The following PRKCA variants were observed in gnomAD, a reference collection of about 807,000 sequenced individuals.
PRKCA encodes protein kinase C alpha type.
A neutral mutation model predicts 87.0 loss-of-function variants in PRKCA; 27 were observed. That is an observed-to-expected ratio of 0.31 (90% CI 0.23 to 0.43). The LOEUF (loss-of-function observed/expected upper bound fraction) is 0.43, where lower values mean the gene tolerates loss of function less well. Among genes scored for constraint, PRKCA ranks in the 20% least tolerant of loss-of-function variants. The probability of loss-of-function intolerance (pLI) is 1.00; values close to 1 mark genes in which losing one functional copy is unlikely to be tolerated. For missense variants in PRKCA, 518 were observed against 852.3 expected (o/e 0.61, Z 4.88); for synonymous variants, 329 against 311.1 (o/e 1.06, Z -0.61).
At chr17:66,469,543 T>C (rs1221971252) in intron 2 of PRKCA, among the ~76,000 whole-genome samples, 1 of 152,244 alleles carries the variant, frequency 6.6e-6, no homozygotes, top group African/African-American at 2.4e-5. Flanking sequence ...AATTCATTAC[T>C]ATTCTATGTA....
intron 2 of PRKCA, among the ~76,000 whole-genome samples, chr17:66,495,363 A>T (rs1916424379): frequency 1.3e-5 from 2 of 152,070 alleles, no homozygotes; most frequent in African/African-American, 4.8e-5. Context: ...TTGTGTCTGA[A>T]TGAGTTTATT....
intron 8 of PRKCA, among the ~76,000 whole-genome samples, chr17:66,690,621 T>G (rs1400826072): frequency 6.6e-6 from 1 of 152,024 alleles, no homozygotes; most frequent in Admixed American, 6.6e-5. Context: ...TCACTTGAGG[T>G]CAGGAGTTCA....
chr17:66,543,677 G>A (rs1227310225), intron 3 of PRKCA, among the ~76,000 whole-genome samples: 6 of 152,174 alleles, frequency 3.9e-5, no homozygotes. Flanking sequence ...GAAATACGAA[G>A]CAACATAGTG....
chr17:66,402,465 A>G (rs1364101303), intron 2 of PRKCA, among the ~76,000 whole-genome samples: 1 of 149,742 alleles, frequency 6.7e-6, no homozygotes, highest in Non-Finnish European at 1.5e-5. Flanking sequence ...AGCATGTTAC[A>G]GGGCAAGGGA....
intron 3 of PRKCA, among the ~76,000 whole-genome samples, chr17:66,626,888 A>G (rs1206423841): frequency 6.6e-6 from 1 of 152,246 alleles, no homozygotes; most frequent in East Asian, 1.9e-4. Flanking sequence ...TAGCAGTTAC[A>G]GTATTTCTCT....
At chr17:66,315,131 C>A (rs9893075) in intron 2 of PRKCA, among the ~76,000 whole-genome samples, 3 of 151,870 alleles carry the variant, frequency 2.0e-5, no homozygotes, top group African/African-American at 7.3e-5. Context: ...AACACTACAA[C>A]TGATAGCCAG....
intron 2 of PRKCA, among the ~76,000 whole-genome samples, chr17:66,482,051 A>G (rs1020350445): frequency 6.6e-6 from 1 of 150,600 alleles, no homozygotes; most frequent in Non-Finnish European, 1.5e-5. Context: ...CAGTGAGCCA[A>G]AATCGCGCCA....
chr17:66,685,480 CA>C (rs1175518848), intron 5 of PRKCA, among the ~76,000 whole-genome samples: 2 of 152,188 alleles, frequency 1.3e-5, no homozygotes, highest in African/African-American at 4.8e-5. Flanking sequence ...TGGGGTATGA[CA>C]AACTATGTTC....
intron 3 of PRKCA, among the ~76,000 whole-genome samples, chr17:66,579,504 A>G (rs1043115729): frequency 6.6e-6 from 1 of 152,292 alleles, no homozygotes; most frequent in African/African-American, 2.4e-5. Context: ...ACGTCCTCAT[A>G]CGACACTGCA....
At chr17:66,577,177 GC>G (rs1389438760) in intron 3 of PRKCA, among the ~76,000 whole-genome samples, 5 of 152,016 alleles carry the variant, frequency 3.3e-5, no homozygotes, top group African/African-American at 1.2e-4. Context: ...GCCCTGTGAT[GC>G]ACTTTTAATC....
chr17:66,607,037 T>G (rs1347676943), intron 3 of PRKCA, among the ~76,000 whole-genome samples: 5 of 152,222 alleles, frequency 3.3e-5, no homozygotes, highest in Non-Finnish European at 7.3e-5. Flanking sequence ...ATTTCTTATT[T>G]TGTAATGCAA....
chr17:66,473,732 C>A (rs978468325), intron 2 of PRKCA, among the ~76,000 whole-genome samples: 3 of 152,116 alleles, frequency 2.0e-5, no homozygotes, highest in Non-Finnish European at 1.5e-5. Context: ...GTCAGGAGTT[C>A]AAGACCAGCC....
chr17:66,533,998 G>C (rs1282714482), intron 3 of PRKCA, among the ~76,000 whole-genome samples: 1 of 152,134 alleles, frequency 6.6e-6, no homozygotes, highest in Non-Finnish European at 1.5e-5. Flanking sequence ...GCTTCCAACT[G>C]TTAGCCTATG....
chr17:66,575,623 T>C (rs1449250457), intron 3 of PRKCA, among the ~76,000 whole-genome samples: 1 of 152,094 alleles, frequency 6.6e-6, no homozygotes, highest in Non-Finnish European at 1.5e-5. Context: ...TTTTAATATA[T>C]TCAGACTGAG....
At chr17:66,655,838 G>A (rs893410787) in intron 5 of PRKCA, among the ~76,000 whole-genome samples, 37 of 143,992 alleles carry the variant, frequency 2.6e-4, no homozygotes, top group African/African-American at 9.8e-4. Flanking sequence ...AAATGATCCT[G>A]TTTTAACCCA....
At position 66,759,540 on chromosome 17, in the gene PRKCA, A is replaced by G. The variant is rs527868482; in HGVS notation, c.1525-14447A>G. ...AAGAGTGGGAGACAAAAAAAAAAAAATGGACAAGGGCCACAAATAGAAGAC... is the reference window on the plus strand; with the variant it reads ...AAGAGTGGGAGACAAAAAAAAAAAAGTGGACAAGGGCCACAAATAGAAGAC... On this transcript the variant is annotated intron_variant, in intron 13 of 16. Coordinates refer to ENST00000413366, the MANE Select transcript of PRKCA (RefSeq NM_002737.3). 2.2e-3 allele frequency among the ~76,000 whole-genome samples: 330 copies of G among 150,204 alleles called. 1 individual carries two copies. The highest frequency in any genetic ancestry group is 8.0e-3 in the African/African-American group (328 of 40,804).
intron 5 of PRKCA, among the ~76,000 whole-genome samples, chr17:66,649,412 G>A (rs1416351743): frequency 2.0e-5 from 3 of 152,178 alleles, no homozygotes; most frequent in Admixed American, 6.5e-5. Flanking sequence ...GGACCTTTAT[G>A]CTCAGCATTT....
chr17:66,806,625 A>G lies in PRKCA; in HGVS notation c.*2588A>G, dbSNP rs529333628. The G allele has an allele frequency of 1.6e-4, 24 of 152,778 alleles. No homozygotes were observed. In the East Asian group the frequency reaches 4.6e-3, roughly 29 times the overall value. 9.5% of individuals were successfully genotyped at this position (152,778 alleles called of 1,614,324 possible). A position where few individuals can be genotyped will look rare whatever the true frequency, so the allele number is the denominator to read the frequency against. ...GGAGGAAGATCCCACGGAGGAACACATGAGGTTAGGGACCCTTGTTCAGCA... is the reference window on the plus strand; with the variant it reads ...GGAGGAAGATCCCACGGAGGAACACGTGAGGTTAGGGACCCTTGTTCAGCA... On this transcript the variant is annotated 3_prime_UTR_variant, in exon 17 of 17. Coordinates refer to ENST00000413366, the MANE Select transcript of PRKCA (RefSeq NM_002737.3).
At chr17:66,725,367 A>G (rs1973719204) in intron 8 of PRKCA, among the ~76,000 whole-genome samples, 1 of 152,172 alleles carries the variant, frequency 6.6e-6, no homozygotes, top group Non-Finnish European at 1.5e-5. Context: ...GTGCTTAATG[A>G]GCACAAATGT....
Sources: gnomAD v4.1 joint callset for allele counts (sites outside exome capture counted in the v4.1 genomes callset) on GRCh38, gnomAD v4.1.1 for gene constraint, MANE v1.5 for transcripts, NCBI Gene and HGNC (gene_info 2026-07-23, HGNC 2026-07-21) for gene names.